WFDC1: variants seen among roughly 807,000 people sequenced by gnomAD.
WFDC1 encodes WAP four-disulfide core domain protein 1.
WFDC1 carries 39 observed loss-of-function variants against 32.9 expected under a neutral mutation model. The observed-to-expected ratio is 1.19, with a 90% CI of 0.92 to 1.55. The LOEUF is 1.55. Among genes scored for constraint, WFDC1 ranks in the 40% most tolerant of loss-of-function variants. The pLI, the probability that WFDC1 is intolerant of heterozygous loss-of-function variation, is 0.00. For missense variants in WFDC1, 386 were observed against 309.5 expected, an observed-to-expected ratio of 1.25 and a Z score of -1.85; for synonymous variants, 184 against 137.4, an observed-to-expected ratio of 1.34 and a Z score of -2.37.
intron 1 of WFDC1, among the ~76,000 whole-genome samples, chr16:84,308,682 T>G (rs1456836445): frequency 6.6e-6 from 1 of 151,886 alleles, no homozygotes; most frequent in East Asian, 1.9e-4. Context: ...CCAGCCTGGG[T>G]GTAGACGCCA....
At chr16:84,315,841 G>T (rs1475754949) in intron 2 of WFDC1, among the ~76,000 whole-genome samples, 2 of 151,282 alleles carry the variant, frequency 1.3e-5, no homozygotes, top group East Asian at 1.9e-4. Context: ...ATTTGGGTCT[G>T]TCCAAAGCAG....
Position 84,313,116 on chromosome 16 carries a change from C to T in WFDC1, c.300C>T (p.Cys100=). 2.1e-6 allele frequency: 3 copies of T among 1,441,198 alleles called. No homozygotes were observed. The highest frequency in any genetic ancestry group is 1.8e-6 in the Non-Finnish European group (2 of 1,105,318). The allele number at this position is 1,441,198 out of a possible 1,614,324, so 89.3% of individuals were successfully genotyped here. A position where few individuals can be genotyped will look rare whatever the true frequency, so the allele number is the denominator to read the frequency against. Residue 100 remains cysteine, a synonymous_variant, in exon 2 of 7, where the codon TGC becomes TGT. Coordinates refer to ENST00000219454, the MANE Select transcript of WFDC1 (RefSeq NM_021197.4). ...PRHRRCCYNG[C]AYACLEAVPP... The stretch of plus-strand genomic sequence containing the variant: ...ACCGGCGCTGCTGCTACAACGGATG[C>T]GCCTACGCCTGCCTAGAAGCTGTGC...
At position 84,319,607 on chromosome 16, in the gene WFDC1, G is replaced by A. The variant is rs372995564; in HGVS notation, c.562+36G>A. On this transcript the variant is annotated intron_variant, in intron 4 of 6. Transcript: ENST00000219454. Reference sequence around the variant, plus strand: ...CACCCCAGCCCTGATCCTGGCTCCTGCCCCAGTCCCCTTCTCCCTGTAAGC... The same window carrying A: ...CACCCCAGCCCTGATCCTGGCTCCTACCCCAGTCCCCTTCTCCCTGTAAGC... The A allele has an allele frequency of 1.6e-4, 254 of 1,603,884 alleles. 1 individual carries two copies. In the African/African-American group the frequency reaches 3.2e-3, roughly 20 times the overall value.
At chr16:84,323,069 G>T (rs1348070561) in intron 4 of WFDC1, among the ~76,000 whole-genome samples, 2 of 152,184 alleles carry the variant, frequency 1.3e-5, no homozygotes, top group African/African-American at 4.8e-5. Flanking sequence ...CCAGGTAAAG[G>T]GGGAGCAGGA....
At chr16:84,299,039 C>T (rs537285660) in intron 1 of WFDC1, among the ~76,000 whole-genome samples, 5 of 152,172 alleles carry the variant, frequency 3.3e-5, no homozygotes, top group Non-Finnish European at 5.9e-5. Flanking sequence ...CCTACATGTG[C>T]ACTACGGACA....
At chr16:84,327,151 C>G in intron 6 of WFDC1, 196 bp downstream of exon 6, 7 of 599,960 alleles carry the variant, frequency 1.2e-5, no homozygotes, top group Non-Finnish European at 2.1e-5. Context: ...TTAAATGCAA[C>G]GACATACTAT....
At chr16:84,306,760 A>G (rs1013982673) in intron 1 of WFDC1, among the ~76,000 whole-genome samples, 1 of 123,584 alleles carries the variant, frequency 8.1e-6, no homozygotes, top group African/African-American at 3.3e-5. Flanking sequence ...GACCACCATC[A>G]TCCTCATCTT....
chr16:84,298,126 A>C (rs1481650749), intron 1 of WFDC1, among the ~76,000 whole-genome samples: 1 of 152,184 alleles, frequency 6.6e-6, no homozygotes, highest in African/African-American at 2.4e-5. Flanking sequence ...TGTATTAAAA[A>C]GAAAGGAAAG....
chr16:84,310,207 G>T (rs898854525), intron 1 of WFDC1, among the ~76,000 whole-genome samples: 1 of 151,796 alleles, frequency 6.6e-6, no homozygotes, highest in Non-Finnish European at 1.5e-5. Context: ...GGACATAGAA[G>T]CGGGGGTGGT....
At chr16:84,301,190 G>C (rs244829) in intron 1 of WFDC1, among the ~76,000 whole-genome samples, 1 of 152,088 alleles carries the variant, frequency 6.6e-6, no homozygotes, top group Non-Finnish European at 1.5e-5. Flanking sequence ...AACCCTGCCA[G>C]ACACCTGGAT....
chr16:84,313,520 C>T (rs1907772187), intron 2 of WFDC1, among the ~76,000 whole-genome samples: 1 of 152,220 alleles, frequency 6.6e-6, no homozygotes, highest in Non-Finnish European at 1.5e-5. Context: ...AGTGGGATTT[C>T]TCATTTAAAA....
chr16:84,325,591 C>A (rs1448690642), intron 5 of WFDC1: 1 of 151,948 alleles, frequency 6.6e-6, no homozygotes, highest in Non-Finnish European at 1.5e-5. Context: ...TCCATCCACC[C>A]ACCCATTCAT....
chr16:84,326,052 T>C (rs984208299), intron 5 of WFDC1: 2 of 89,366 alleles, frequency 2.2e-5, no homozygotes, highest in Non-Finnish European at 5.1e-5. Context: ...CCAGCCACTA[T>C]CCATCCATCT....
At chr16:84,320,219 A>T (rs552242492) in intron 4 of WFDC1, among the ~76,000 whole-genome samples, 1 of 152,334 alleles carries the variant, frequency 6.6e-6, no homozygotes, top group African/African-American at 2.4e-5. Context: ...AGGCTAATGT[A>T]AGTGTTCTGA....
At chr16:84,325,749 T>C (rs919766161) in intron 5 of WFDC1, 1 of 152,074 alleles carries the variant, frequency 6.6e-6, no homozygotes, top group Non-Finnish European at 1.5e-5. Context: ...TATTCATCTA[T>C]CTTTTCATCT....
At chr16:84,308,766 C>G (rs951350295) in intron 1 of WFDC1, among the ~76,000 whole-genome samples, 5 of 151,832 alleles carry the variant, frequency 3.3e-5, no homozygotes, top group Non-Finnish European at 7.4e-5. Flanking sequence ...TAGATGCCAG[C>G]CTGGGTGTAG....
At chr16:84,302,539 C>T (rs1316381889) in intron 1 of WFDC1, among the ~76,000 whole-genome samples, 1 of 152,002 alleles carries the variant, frequency 6.6e-6, no homozygotes, top group Non-Finnish European at 1.5e-5. Context: ...CGTGGGTCAT[C>T]GTAGCTTCAC....
chr16:84,309,002 C>G (rs1479903802), intron 1 of WFDC1, among the ~76,000 whole-genome samples: 1 of 152,208 alleles, frequency 6.6e-6, no homozygotes. Context: ...GAAACTGATG[C>G]TTGCCCAAGG....
At chr16:84,312,181 C>CAA (rs1170113940) in intron 1 of WFDC1, among the ~76,000 whole-genome samples, 1 of 152,034 alleles carries the variant, frequency 6.6e-6, no homozygotes, top group Admixed American at 6.6e-5. Flanking sequence ...CAAAACAAAA[C>CAA]AAACAAACAA....
Sources: gnomAD v4.1 joint callset for allele counts (sites outside exome capture counted in the v4.1 genomes callset) on GRCh38, gnomAD v4.1.1 for gene constraint, MANE v1.5 for transcripts, NCBI Gene and HGNC (gene_info 2026-07-23, HGNC 2026-07-21) for gene names.